Variants in EPHA5 observed in about 807,000 individuals in gnomAD.
EPHA5 encodes EPH receptor A5.
EPHA5 carries 60 observed loss-of-function variants against 105.0 expected under a neutral mutation model. The ratio of observed to expected loss-of-function variants is 0.57; its 90% CI spans 0.46 to 0.71. The LOEUF is 0.71. EPHA5 is among the 30% of genes least tolerant of loss of function. The pLI is 0.00. For missense variants in EPHA5, 1,218 were observed against 1,274.7 expected (o/e 0.96, Z 0.68); for synonymous variants, 513 against 449.1 (o/e 1.14, Z -1.80).
intron 16 of EPHA5, among the ~76,000 whole-genome samples, chr4:65,328,752 T>A (rs575470648): frequency 5.0e-4 from 76 of 151,244 alleles, no homozygotes; most frequent in African/African-American, 1.8e-3. Flanking sequence ...CCATGGTCTG[T>A]TAATGGTTCT....
chr4:65,621,268 G>A (rs7667410), intron 2 of EPHA5, among the ~76,000 whole-genome samples: 46,331 of 151,898 alleles, frequency 0.31, 7,211 homozygotes, highest in Non-Finnish European at 0.33. Context: ...TTGACAATAT[G>A]CACCAGCTGG....
At chr4:65,391,207 A>C in intron 8 of EPHA5, among the ~76,000 whole-genome samples, 1 of 152,074 alleles carries the variant, frequency 6.6e-6, no homozygotes, top group Admixed American at 6.6e-5. Flanking sequence ...TATGGGGATT[A>C]TAATTCAAGA....
At chr4:65,509,184 T>C (rs1019785831) in intron 3 of EPHA5, among the ~76,000 whole-genome samples, 1 of 152,130 alleles carries the variant, frequency 6.6e-6, no homozygotes, top group African/African-American at 2.4e-5. Context: ...ACATACTTCT[T>C]TACTTACAGA....
chr4:65,669,311 C>T (rs1560845923), intron 1 of EPHA5: 1 of 858,940 alleles, frequency 1.2e-6, no homozygotes, highest in South Asian at 5.3e-5. Flanking sequence ...TCCACCTTCC[C>T]AGCCCCCCAA....
At position 65,615,599 on chromosome 4, in the gene EPHA5, C is replaced by G. The variant is rs529146012; in HGVS notation, c.247-13295G>C. Among the ~76,000 whole-genome samples, 7 of 151,868 alleles carry G rather than the reference C, an allele frequency of 4.6e-5. No homozygotes were observed. In the South Asian group the frequency reaches 1.5e-3, roughly 31 times the overall value. ...AACTCACAGTAAAACATATAAAACA[C>G]AAATCGCTGAGAAAGTACAGAAAAT... On this transcript the variant is annotated intron_variant, in intron 2 of 16. Transcript: ENST00000613740.
At position 65,417,704 on chromosome 4, in the gene EPHA5, A is replaced by C. The variant is rs1421258977; in HGVS notation, c.1527+2737T>G. On this transcript the variant is annotated intron_variant, in intron 6 of 16. Transcript: ENST00000613740. ...GAACTATTAAATATAAGACCAAATC[A>C]TACTGAGATAAATGTAACTCAAAAA... Among the ~76,000 whole-genome samples, 6 of 152,128 alleles carry C rather than the reference A, an allele frequency of 3.9e-5. No homozygotes were observed. The East Asian group carries it at 1.2e-3, about 29-fold the overall frequency.
intron 13 of EPHA5, among the ~76,000 whole-genome samples, chr4:65,348,896 A>C (rs1722551062): frequency 7.3e-6 from 1 of 136,372 alleles, no homozygotes; most frequent in African/African-American, 2.7e-5. Context: ...ACTCACTGTA[A>C]CCCCCACCTC....
chr4:65,579,796 C>T (rs1035465359), intron 3 of EPHA5, among the ~76,000 whole-genome samples: 1 of 151,724 alleles, frequency 6.6e-6, no homozygotes, highest in Non-Finnish European at 1.5e-5. Flanking sequence ...AATTTCAAAC[C>T]AGCAATAATA....
At chr4:65,425,249 A>G (rs921572205) in intron 5 of EPHA5, among the ~76,000 whole-genome samples, 1 of 152,142 alleles carries the variant, frequency 6.6e-6, no homozygotes, top group African/African-American at 2.4e-5. Context: ...TCATTTAAAC[A>G]CAAGGTTTAA....
chr4:65,447,312 C>T (rs1726646013), intron 5 of EPHA5, among the ~76,000 whole-genome samples: 1 of 151,910 alleles, frequency 6.6e-6, no homozygotes, highest in Non-Finnish European at 1.5e-5. Flanking sequence ...ATTCCACATA[C>T]CCCTGCAAAA....
intron 1 of EPHA5, among the ~76,000 whole-genome samples, chr4:65,657,374 T>C (rs946154906): frequency 2.6e-5 from 4 of 152,190 alleles, no homozygotes; most frequent in African/African-American, 9.6e-5. Flanking sequence ...ATTCTGAGAA[T>C]TTATCATAAG....
At chr4:65,460,931 T>C (rs1419237982) in intron 5 of EPHA5, among the ~76,000 whole-genome samples, 1 of 151,886 alleles carries the variant, frequency 6.6e-6, no homozygotes. Flanking sequence ...CACTGCACAA[T>C]AATTTAATGT....
chr4:65,490,304 T>C, intron 5 of EPHA5, 73 bp downstream of exon 5: 2 of 1,419,684 alleles, frequency 1.4e-6, no homozygotes, highest in South Asian at 1.3e-5. Flanking sequence ...TTCAGTCAAC[T>C]TGGCCGTCAG....
At chr4:65,360,146 C>G (rs981180951) in intron 11 of EPHA5, among the ~76,000 whole-genome samples, 1 of 151,616 alleles carries the variant, frequency 6.6e-6, no homozygotes, top group Non-Finnish European at 1.5e-5. Flanking sequence ...CACCCACTCT[C>G]AACAGAAGCA....
intron 3 of EPHA5, among the ~76,000 whole-genome samples, chr4:65,558,440 TTG>T (rs1738677999): frequency 6.6e-6 from 1 of 152,118 alleles, no homozygotes; most frequent in African/African-American, 2.4e-5. Flanking sequence ...GGTCATTTTA[TTG>T]GTCTTCATTT....
At chr4:65,382,458 T>C (rs1719654467) in intron 8 of EPHA5, among the ~76,000 whole-genome samples, 1 of 151,894 alleles carries the variant, frequency 6.6e-6, no homozygotes, top group African/African-American at 2.4e-5. Context: ...ACAATTTGCT[T>C]ATTCCAATAT....
At chr4:65,365,295 G>GA (rs963752865) in intron 10 of EPHA5, 93 bp from the exon 11 acceptor site, 5 of 1,038,004 alleles carry the variant, frequency 4.8e-6, no homozygotes, top group Non-Finnish European at 5.6e-6. Context: ...AGGCTTAGAT[G>GA]AAAAAACAAA....
intron 1 of EPHA5, among the ~76,000 whole-genome samples, chr4:65,647,702 C>T (rs1748246264): frequency 2.0e-5 from 3 of 152,012 alleles, no homozygotes; most frequent in African/African-American, 7.3e-5. Flanking sequence ...TTTTAAAATA[C>T]AGTCATACCA....
chr4:65,417,262 A>C (rs1723477462), intron 6 of EPHA5, among the ~76,000 whole-genome samples: 2 of 152,232 alleles, frequency 1.3e-5, no homozygotes, highest in Non-Finnish European at 2.9e-5. Flanking sequence ...AAGCTCTGCC[A>C]CCTGTGTCTG....
Sources: gnomAD v4.1 joint callset for allele counts (sites outside exome capture counted in the v4.1 genomes callset) on GRCh38, gnomAD v4.1.1 for gene constraint, MANE v1.5 for transcripts, NCBI Gene and HGNC (gene_info 2026-07-23, HGNC 2026-07-21) for gene names.